The following ARHGAP26 variants were observed in gnomAD, a reference collection of about 807,000 sequenced individuals.
The protein encoded by ARHGAP26 is rho GTPase-activating protein 26.
Under a neutral mutation model 104.8 loss-of-function variants are expected in ARHGAP26, and 38 were observed. The observed-to-expected ratio is 0.36, with a 90% CI of 0.28 to 0.48. ARHGAP26 has a LOEUF of 0.48. ARHGAP26 is among the 20% of genes least tolerant of loss of function. The pLI is 0.99. For missense variants in ARHGAP26, 704 were observed against 947.9 expected (o/e 0.74, Z 3.38); for synonymous variants, 341 against 340.0 (o/e 1.00, Z -0.03).
chr5:142,992,785 A>G (rs781537269), intron 11 of ARHGAP26, among the ~76,000 whole-genome samples: 1 of 152,170 alleles, frequency 6.6e-6, no homozygotes, highest in Non-Finnish European at 1.5e-5. Context: ...CAGAGACCAT[A>G]TGAATTGTCA....
chr5:142,864,380 C>A (rs764212913), intron 1 of ARHGAP26, among the ~76,000 whole-genome samples: 14 of 152,116 alleles, frequency 9.2e-5, no homozygotes, highest in South Asian at 2.1e-4. Context: ...AAAAAGAAAC[C>A]CATACTGCTT....
intron 1 of ARHGAP26, among the ~76,000 whole-genome samples, chr5:142,773,163 G>A (rs758454569): frequency 5.3e-5 from 8 of 152,046 alleles, no homozygotes; most frequent in Non-Finnish European, 8.8e-5. Flanking sequence ...TGCTTGCTGC[G>A]TGGTATACTA....
At chr5:142,825,812 G>A (rs903467474) in intron 1 of ARHGAP26, among the ~76,000 whole-genome samples, 1 of 152,164 alleles carries the variant, frequency 6.6e-6, no homozygotes, top group African/African-American at 2.4e-5. Context: ...CTTTTCCTGA[G>A]CCAGAAAGTA....
chr5:143,152,916 T>A (rs1420820893), intron 20 of ARHGAP26, among the ~76,000 whole-genome samples: 1 of 152,204 alleles, frequency 6.6e-6, no homozygotes, highest in East Asian at 1.9e-4. Context: ...CCAGACAACC[T>A]ATAGATTCAT....
intron 17 of ARHGAP26, among the ~76,000 whole-genome samples, chr5:143,117,430 A>AT (rs1202664514): frequency 1.3e-5 from 2 of 152,318 alleles, no homozygotes; most frequent in East Asian, 1.9e-4. Context: ...TTCTGGAGTA[A>AT]TGAACATAGC....
chr5:142,799,449 A>G (rs1453290455), intron 1 of ARHGAP26, among the ~76,000 whole-genome samples: 1 of 152,164 alleles, frequency 6.6e-6, no homozygotes, highest in Non-Finnish European at 1.5e-5. Flanking sequence ...TCCATCTTTC[A>G]ACAGTCCCAA....
At chr5:143,160,673 T>A (rs1344823042) in intron 20 of ARHGAP26, among the ~76,000 whole-genome samples, 1 of 151,852 alleles carries the variant, frequency 6.6e-6, no homozygotes, top group Non-Finnish European at 1.5e-5. Flanking sequence ...TTTGTAGAGA[T>A]GGGGTCTTGC....
chr5:143,008,153 T>C (rs1395636690), intron 11 of ARHGAP26, among the ~76,000 whole-genome samples: 1 of 152,238 alleles, frequency 6.6e-6, no homozygotes, highest in Non-Finnish European at 1.5e-5. Flanking sequence ...AGTGCTGTGT[T>C]GAATATTGTA....
chr5:142,902,735 T>C (rs1760542197), intron 7 of ARHGAP26, among the ~76,000 whole-genome samples: 1 of 152,214 alleles, frequency 6.6e-6, no homozygotes, highest in Non-Finnish European at 1.5e-5. Flanking sequence ...TACATAGTAG[T>C]CAGTGTTGTC....
intron 11 of ARHGAP26, among the ~76,000 whole-genome samples, chr5:142,954,222 C>CAT (rs1211481125): frequency 6.6e-6 from 1 of 152,154 alleles, no homozygotes; most frequent in East Asian, 1.9e-4. Flanking sequence ...TGTTAGGCCC[C>CAT]ATATATGGGA....
rs913769686 is a variant in ARHGAP26, at chr5:143,196,433, A to G, written c.1989-10765A>G. On this transcript the variant is annotated intron_variant, in intron 20 of 22. Coordinates refer to ENST00000645722, the MANE Select transcript of ARHGAP26 (RefSeq NM_001135608.3). Reference sequence around the variant, plus strand: ...TTGCATGGAGGGGAAATACAGAGTGAGCTTCCTGTAAGCCCCTGGTCACAA... The same window carrying G: ...TTGCATGGAGGGGAAATACAGAGTGGGCTTCCTGTAAGCCCCTGGTCACAA... Among the ~76,000 whole-genome samples, 31 of 152,320 alleles carry G rather than the reference A, an allele frequency of 2.0e-4. 1 individual carries two copies. The highest frequency in any genetic ancestry group is 7.0e-4 in the African/African-American group (29 of 41,570).
chr5:143,030,645 A>G (rs192955953), intron 12 of ARHGAP26, among the ~76,000 whole-genome samples: 1 of 152,350 alleles, frequency 6.6e-6, no homozygotes, highest in East Asian at 1.9e-4. Flanking sequence ...AAAAGAACTC[A>G]TCTACTCTCA....
chr5:142,830,201 C>T (rs998045109), intron 1 of ARHGAP26, among the ~76,000 whole-genome samples: 1 of 152,118 alleles, frequency 6.6e-6, no homozygotes, highest in Non-Finnish European at 1.5e-5. Flanking sequence ...AAATGGAGTG[C>T]TATTATTCAG....
intron 21 of ARHGAP26, among the ~76,000 whole-genome samples, chr5:143,210,888 A>C (rs1015656916): frequency 1.1e-4 from 14 of 127,368 alleles, no homozygotes; most frequent in African/African-American, 3.6e-4. Flanking sequence ...TGAGGTCTGA[A>C]GGGCACTGTT....
intron 22 of ARHGAP26, among the ~76,000 whole-genome samples, chr5:143,221,424 C>CAAA (rs56114785): frequency 8.4e-5 from 7 of 83,620 alleles, no homozygotes; most frequent in African/African-American, 1.7e-4. Context: ...TGACAGCAAC[C>CAAA]AAAAAAAAAA....
chr5:143,217,650 G>A (rs1810535194), intron 22 of ARHGAP26, among the ~76,000 whole-genome samples: 1 of 152,146 alleles, frequency 6.6e-6, no homozygotes, highest in Middle Eastern at 3.2e-3. Flanking sequence ...CCTCATGGGG[G>A]AGCCCCCAAG....
At chr5:142,814,557 C>T (rs780768911) in intron 1 of ARHGAP26, among the ~76,000 whole-genome samples, 6 of 152,104 alleles carry the variant, frequency 3.9e-5, no homozygotes, top group Non-Finnish European at 7.4e-5. Context: ...TTTGTGTTGC[C>T]GGTGCTCAGT....
chr5:142,927,173 G>A (rs1373689379), intron 10 of ARHGAP26, among the ~76,000 whole-genome samples: 1 of 151,974 alleles, frequency 6.6e-6, no homozygotes, highest in Non-Finnish European at 1.5e-5. Flanking sequence ...TTTTACTGAG[G>A]TGTAATCACA....
chr5:142,921,964 G>C (rs922514067), intron 10 of ARHGAP26: 1 of 152,144 alleles, frequency 6.6e-6, no homozygotes, highest in Non-Finnish European at 1.5e-5. Context: ...TCTTAATGGT[G>C]CTCCTTTTCC....
Sources: gnomAD v4.1 joint callset for allele counts (sites outside exome capture counted in the v4.1 genomes callset) on GRCh38, gnomAD v4.1.1 for gene constraint, MANE v1.5 for transcripts, NCBI Gene and HGNC (gene_info 2026-07-23, HGNC 2026-07-21) for gene names.